The following HK3 variants were observed in gnomAD, a reference collection of about 807,000 sequenced individuals.
The protein encoded by HK3 is hexokinase 3.
Under a neutral mutation model 91.0 loss-of-function variants are expected in HK3, and 93 were observed. The observed-to-expected ratio is 1.02, with a 90% CI of 0.86 to 1.21. HK3 has a LOEUF of 1.21. Ranked by LOEUF, HK3 falls within the 50% of genes most tolerant of loss-of-function variation. The pLI is 0.00. For missense variants in HK3, 1,235 were observed against 1,247.4 expected (o/e 0.99, Z 0.15); for synonymous variants, 519 against 516.9 (o/e 1.00, Z -0.06).
At chr5:176,894,791 T>G (rs866092385) in intron 2 of HK3, among the ~76,000 whole-genome samples, 4,833 of 150,988 alleles carry the variant, frequency 0.032, 278 homozygotes, top group African/African-American at 0.11. Context: ...TTTTTTTTTT[T>G]TTTTTGACAG....
intron 2 of HK3, 83 bp downstream of exon 2, chr5:176,895,981 C>A: frequency 2.7e-6 from 3 of 1,123,108 alleles, no homozygotes; most frequent in Non-Finnish European, 4.1e-6. Flanking sequence ...TGGGTGAGAG[C>A]CCAGGGCCCC....
At chr5:176,889,617 C>A (rs1160887129) in intron 7 of HK3, 28 bp downstream of exon 7, 6 of 1,614,114 alleles carry the variant, frequency 3.7e-6, no homozygotes, top group Non-Finnish European at 4.2e-6. Context: ...CACCCTCCAC[C>A]TGTCATCACA....
At position 176,891,076 on chromosome 5, in the gene HK3, A is replaced by AAACTCCT. The variant is rs971958050; in HGVS notation, c.368_374dup (p.Phe125LeufsTer19). On this transcript the variant is annotated frameshift_variant, in exon 4 of 19. Coordinates refer to ENST00000292432, the MANE Select transcript of HK3 (RefSeq NM_002115.3). LOFTEE classifies it high-confidence loss of function. Reference sequence around the variant, plus strand: ...CCAGCATCACCTCTTGGGGGATCACAAACTCCTGGCTTCTGGGCTCCACCC... The same window carrying AAACTCCT: ...CCAGCATCACCTCTTGGGGGATCACAAACTCCTAACTCCTGGCTTCTGGGCTCCACCC... 1.9e-6 allele frequency: 3 copies of AAACTCCT among 1,614,066 alleles called. No individual in the cohort carries two copies. Among genetic ancestry groups the AAACTCCT allele is most frequent in the Non-Finnish European group, 2.5e-6 (3 of 1,180,016 alleles).
chr5:176,891,617 A>T, intron 2 of HK3, 67 bp from the exon 3 acceptor site: 1 of 1,515,892 alleles, frequency 6.6e-7, no homozygotes, highest in East Asian at 2.3e-5. Context: ...CCACCTCCAA[A>T]CAAGGCAGAG....
intron 2 of HK3, among the ~76,000 whole-genome samples, chr5:176,893,152 A>T (rs1370509599): frequency 6.6e-6 from 1 of 152,236 alleles, no homozygotes; most frequent in Non-Finnish European, 1.5e-5. Context: ...TGTTAGAAAT[A>T]TGGAAACGGA....
In HK3 at chr5:176,890,821, C is replaced by T; in HGVS notation, c.534+1G>A. ...AGCGTCCCATGTCCACTCCACCTCA[C>T]CCTGTCCAAGCCCGTCTGGTGACAA... On this transcript the variant is annotated splice_donor_variant, in intron 5 of 18. Transcript: ENST00000292432. LOFTEE classifies it high-confidence loss of function. 1 of 1,614,210 alleles carries T rather than the reference C, an allele frequency of 6.2e-7. No homozygotes were observed. The highest frequency in any genetic ancestry group is 8.5e-7 in the Non-Finnish European group (1 of 1,180,034).
intron 6 of HK3, among the ~76,000 whole-genome samples, chr5:176,890,157 C>G (rs1758727512): frequency 6.6e-6 from 1 of 152,158 alleles, no homozygotes; most frequent in African/African-American, 2.4e-5. Flanking sequence ...CAGCCTTTGT[C>G]CAGCATCCAG....
chr5:176,889,467 G>A lies in HK3; in HGVS notation c.828C>T (p.Ser276=). 5.0e-6 allele frequency: 8 copies of A among 1,614,200 alleles called. No individual in the cohort carries two copies. The highest frequency in any genetic ancestry group is 6.8e-6 in the Non-Finnish European group (8 of 1,180,026). The change falls in exon 8 of 19, where the codon TCC becomes TCT. Residue 276 remains serine (S), a synonymous_variant. Coordinates refer to ENST00000292432, the MANE Select transcript of HK3 (RefSeq NM_002115.3). The stretch of plus-strand genomic sequence containing the variant: ...GTCCCAGCGCCCCATCATCGCTGAA[G>A]GAGCCCCACTCGACGCTGACGCAGA... The part of the protein sequence containing the change: ...GRVCVSVEWG[S]FSDDGALGPV...
chr5:176,891,645 C>T (rs1415435499), intron 2 of HK3, 95 bp from the exon 3 acceptor site: 3 of 1,252,350 alleles, frequency 2.4e-6, no homozygotes, highest in Non-Finnish European at 3.3e-6. Flanking sequence ...CTGCCCAGCC[C>T]ACTCCTCGGC....
chr5:176,897,699 G>A (rs573129048), intron 1 of HK3, among the ~76,000 whole-genome samples: 19 of 152,270 alleles, frequency 1.2e-4, no homozygotes, highest in African/African-American at 3.9e-4. Context: ...TCCTTCCTGA[G>A]TCTCTCGTAG....
At chr5:176,894,288 G>A (rs1224713316) in intron 2 of HK3, among the ~76,000 whole-genome samples, 1 of 152,314 alleles carries the variant, frequency 6.6e-6, no homozygotes, top group East Asian at 1.9e-4. Context: ...TCAACCTAAG[G>A]TCATGGCAAG....
intron 15 of HK3, 46 bp from the exon 16 acceptor site, chr5:176,882,173 A>G (rs763708361): frequency 1.9e-6 from 3 of 1,600,746 alleles, no homozygotes; most frequent in East Asian, 4.5e-5. Flanking sequence ...TGATGTAGAC[A>G]AGGACCCTCT....
At position 176,899,273 on chromosome 5, in the gene HK3, C is replaced by T. The variant is rs1758983899; in HGVS notation, c.-33G>A. 1 of 152,318 alleles carries T rather than the reference C, an allele frequency of 6.6e-6. No individual in the cohort carries two copies. Among genetic ancestry groups the T allele is most frequent in the African/African-American group, 2.4e-5 (1 of 41,450 alleles). 9.4% of individuals were successfully genotyped at this position (152,318 alleles called of 1,614,324 possible). On this transcript the variant is annotated 5_prime_UTR_variant, in exon 1 of 19. Transcript: ENST00000292432. ...ATTAGACCGAAGTGCTTACCTGGGACACAGAGAAGCTAGTCACTCTCCTCA... is the reference window on the plus strand; with the variant it reads ...ATTAGACCGAAGTGCTTACCTGGGATACAGAGAAGCTAGTCACTCTCCTCA...
At chr5:176,883,577 T>C (rs553495038) in intron 15 of HK3, among the ~76,000 whole-genome samples, 193 bp downstream of exon 15, 11 of 152,296 alleles carry the variant, frequency 7.2e-5, no homozygotes, top group Admixed American at 5.2e-4. Context: ...TAAATGACCA[T>C]GAGTCAGTCA....
chr5:176,893,258 A>G (rs1176659374), intron 2 of HK3, among the ~76,000 whole-genome samples: 4 of 152,226 alleles, frequency 2.6e-5, no homozygotes, highest in African/African-American at 9.6e-5. Flanking sequence ...AGATGTTTCT[A>G]TGTCAATGTG....
intron 2 of HK3, among the ~76,000 whole-genome samples, chr5:176,893,670 GA>G (rs1758835252): frequency 6.6e-6 from 1 of 152,212 alleles, no homozygotes; most frequent in Admixed American, 6.5e-5. Flanking sequence ...GAAAACAGTA[GA>G]GTCACGGAGA....
Position 176,888,396 on chromosome 5 carries a change from G to T in HK3, c.1240C>A (p.Arg414=). Residue 414 remains arginine, a synonymous_variant, in exon 10 of 19, where the codon CGG becomes AGG. Coordinates refer to ENST00000292432, the MANE Select transcript of HK3 (RefSeq NM_002115.3). ...AAVLSCLQHS[R]EQQTLQVAVA... ...GCAACCTGGAGTGTTTGTTGCTCCC[G>T]GCTGTGCTGGAGGCAGGAGAGAACA... 1.9e-6 allele frequency: 3 copies of T among 1,563,414 alleles called. No homozygotes were observed.
In HK3 at chr5:176,896,126, C is replaced by G. The variant is rs1026763733; in HGVS notation, c.34G>C (p.Gly12Arg). ...DSIGSSGLRQ[G>R]EETLSCSEEG... ...TCAGAGCAACTCAGGGTTTCTTCCCCCTGCCGCAACCCTGAAGACCCAATG... is the reference window on the plus strand; with the variant it reads ...TCAGAGCAACTCAGGGTTTCTTCCCGCTGCCGCAACCCTGAAGACCCAATG... The change falls in exon 2 of 19, where the codon GGG becomes CGG. Residue 12 changes from glycine (G) to arginine (R), a missense_variant. Gly to Arg is a moderately radical substitution (Grantham distance 125). Transcript: ENST00000292432. The G allele has an allele frequency of 5.0e-6, 8 of 1,612,444 alleles. 1 individual carries two copies. The Admixed American group carries it at 1.3e-4, about 27-fold the overall frequency.
At position 176,881,813 on chromosome 5, in the gene HK3, C is replaced by T; in HGVS notation, c.2272G>A (p.Glu758Lys). 1 of 1,614,090 alleles carries T rather than the reference C, an allele frequency of 6.2e-7. No individual in the cohort carries two copies. The highest frequency in any genetic ancestry group is 8.5e-7 in the Non-Finnish European group (1 of 1,180,030). ...EKMISGMYLG[E>K]IVRHILLHLT... ...TGTAAAAGGATGTGGCGGACGATCT[C>T]CCCCAGGTACATGCCGCTGATCATC... The change falls in exon 17 of 19, where the codon GAG becomes AAG. Residue 758 changes from glutamate to lysine, a missense_variant. Physicochemically the swap from Glu to Lys is moderately conservative, Grantham distance 56 (BLOSUM62 1). Coordinates refer to ENST00000292432, the MANE Select transcript of HK3 (RefSeq NM_002115.3).
Sources: allele counts gnomAD v4.1 joint callset (sites outside exome capture counted in the v4.1 genomes callset), GRCh38; gene constraint gnomAD v4.1.1; transcripts MANE v1.5; gene names NCBI Gene and HGNC (gene_info 2026-07-23, HGNC 2026-07-21).